The following ZBBX variants were observed in gnomAD, a reference collection of about 807,000 sequenced individuals.
ZBBX encodes zinc finger B-box domain containing, also known as zinc finger B-box domain-containing protein 1.
Under a neutral mutation model 108.5 loss-of-function variants are expected in ZBBX, and 101 were observed. That is an observed-to-expected ratio of 0.93 (90% CI 0.79 to 1.10). ZBBX has a LOEUF of 1.10. ZBBX is among the 50% of genes least tolerant of loss of function. The pLI is 0.00. For synonymous variants in ZBBX, 356 were observed against 323.4 expected, an observed-to-expected ratio of 1.10 and a Z score of -1.08; for missense variants, 1,009 against 941.4, an observed-to-expected ratio of 1.07 and a Z score of -0.94.
At chr3:167,223,596 G>T in the ZBBX span, among the ~76,000 whole-genome samples, 3 of 151,848 alleles carry the variant, frequency 2.0e-5, no homozygotes, top group Non-Finnish European at 2.9e-5. Context: ...GATCTTTCAT[G>T]TCAATTCTAG....
At chr3:167,359,250 A>G (rs1215233091) in intron 8 of ZBBX, among the ~76,000 whole-genome samples, 3 of 152,174 alleles carry the variant, frequency 2.0e-5, no homozygotes, top group African/African-American at 7.2e-5. Context: ...CACTAAATCT[A>G]TAGTGTTAAA....
At chr3:167,387,019 C>A (rs1472078348) in intron 1 of ZBBX, among the ~76,000 whole-genome samples, 1 of 152,058 alleles carries the variant, frequency 6.6e-6, no homozygotes, top group Non-Finnish European at 1.5e-5. Context: ...AAAGTTACTG[C>A]CACAATATTT....
intron 1 of ZBBX, among the ~76,000 whole-genome samples, chr3:167,405,987 AC>A (rs1024683079): frequency 1.3e-5 from 2 of 151,072 alleles, no homozygotes; most frequent in African/African-American, 4.9e-5. Context: ...AATCACTTGA[AC>A]CCGGGGGGCA....
the ZBBX span, among the ~76,000 whole-genome samples, chr3:167,220,742 G>C: frequency 6.6e-6 from 1 of 151,900 alleles, no homozygotes; most frequent in Admixed American, 6.6e-5. Flanking sequence ...AATTAGAAAA[G>C]AGAAAGAAAT....
chr3:167,241,253 C>G (rs1158231695), intron 21 of ZBBX, among the ~76,000 whole-genome samples: 1 of 152,174 alleles, frequency 6.6e-6, no homozygotes, highest in Non-Finnish European at 1.5e-5. Context: ...TTCATCATCA[C>G]ATTGGCTGTT....
the ZBBX span, among the ~76,000 whole-genome samples, chr3:167,223,171 C>T: frequency 1.3e-5 from 2 of 151,972 alleles, no homozygotes; most frequent in Non-Finnish European, 2.9e-5. Context: ...ACTTGACTTC[C>T]CTGACCACCC....
intron 20 of ZBBX, among the ~76,000 whole-genome samples, chr3:167,258,465 G>T (rs1270078239): frequency 6.6e-6 from 1 of 152,084 alleles, no homozygotes. Context: ...GTGATAGTTT[G>T]CCTTCGTCTT....
the ZBBX span, among the ~76,000 whole-genome samples, chr3:167,229,226 T>A: frequency 6.6e-6 from 1 of 151,674 alleles, no homozygotes; most frequent in African/African-American, 2.4e-5. Context: ...TTGTCAGGAG[T>A]GATTTTCATT....
At chr3:167,284,923 A>G (rs1729444527) in intron 19 of ZBBX, among the ~76,000 whole-genome samples, 1 of 152,154 alleles carries the variant, frequency 6.6e-6, no homozygotes, top group Non-Finnish European at 1.5e-5. Flanking sequence ...TAACACTGGC[A>G]CTAGTTAAAA....
intron 21 of ZBBX, among the ~76,000 whole-genome samples, chr3:167,241,996 T>C (rs932857141): frequency 1.3e-5 from 2 of 152,172 alleles, no homozygotes; most frequent in African/African-American, 4.8e-5. Flanking sequence ...TAACCTACAT[T>C]CCTTGTAAGC....
chr3:167,357,026 A>G (rs1256409118), intron 8 of ZBBX, among the ~76,000 whole-genome samples: 1 of 152,172 alleles, frequency 6.6e-6, no homozygotes, highest in African/African-American at 2.4e-5. Context: ...TAGACATCCA[A>G]TAAAGGTGTT....
Position 167,288,049 on chromosome 3 carries a change from C to G in ZBBX, c.1996+818G>C, listed in dbSNP as rs1177088014. On this transcript the variant is annotated intron_variant, in intron 19 of 21. Transcript: ENST00000675490. ...AGGTATTCCTCCTAAACTGTGAGCT[C>G]AATAAGATCAGGGAATATTACTTAC... Among the ~76,000 whole-genome samples the G allele has an allele frequency of 2.0e-5, 3 of 152,132 alleles. No individual in the cohort carries two copies. The East Asian group carries it at 5.8e-4, about 29-fold the overall frequency.
chr3:167,228,943 C>G, the ZBBX span, among the ~76,000 whole-genome samples: 1 of 151,724 alleles, frequency 6.6e-6, no homozygotes, highest in Non-Finnish European at 1.5e-5. Flanking sequence ...TTACCACTAT[C>G]TAATGTACAA....
At chr3:167,212,777 G>A in the ZBBX span, among the ~76,000 whole-genome samples, 9 of 152,148 alleles carry the variant, frequency 5.9e-5, no homozygotes, top group Non-Finnish European at 1.3e-4. Context: ...AAAGGGAAGA[G>A]GAACCCACAA....
the ZBBX span, among the ~76,000 whole-genome samples, chr3:167,193,060 G>A: frequency 6.6e-6 from 1 of 152,108 alleles, no homozygotes; most frequent in Non-Finnish European, 1.5e-5. Flanking sequence ...TTGCATTGAA[G>A]TATTTATTAT....
At chr3:167,182,539 C>T in the ZBBX span, among the ~76,000 whole-genome samples, 1 of 152,300 alleles carries the variant, frequency 6.6e-6, no homozygotes, top group East Asian at 1.9e-4. Context: ...CTCCTCTAAG[C>T]TCTTCTATGG....
the ZBBX span, among the ~76,000 whole-genome samples, chr3:167,228,795 T>G: frequency 6.6e-6 from 1 of 151,850 alleles, no homozygotes; most frequent in African/African-American, 2.4e-5. Flanking sequence ...ATCATTCATT[T>G]TGCTGTGAGT....
intron 4 of ZBBX, among the ~76,000 whole-genome samples, chr3:167,371,890 G>A (rs1438930921): frequency 6.6e-6 from 1 of 152,048 alleles, no homozygotes; most frequent in Non-Finnish European, 1.5e-5. Flanking sequence ...CTATTGATCT[G>A]GATCAAAAAA....
At chr3:167,313,915 G>A in intron 16 of ZBBX, 59 bp downstream of exon 16, 7 of 1,422,476 alleles carry the variant, frequency 4.9e-6, no homozygotes, top group Non-Finnish European at 6.5e-6. Flanking sequence ...TTTATAGACT[G>A]CAATAGTAAA....
Sources: gnomAD v4.1 joint callset for allele counts (sites outside exome capture counted in the v4.1 genomes callset) on GRCh38, gnomAD v4.1.1 for gene constraint, MANE v1.5 for transcripts, NCBI Gene and HGNC (gene_info 2026-07-23, HGNC 2026-07-21) for gene names.